Variants in NXNL2 observed in about 807,000 individuals in gnomAD.
NXNL2 encodes the protein nucleoredoxin-like protein 2.
In NXNL2, 7 loss-of-function variants were observed where a neutral mutation model predicts 11.1. The ratio of observed to expected loss-of-function variants is 0.63; its 90% CI spans 0.36 to 1.18. The LOEUF is 1.18. Among genes scored for constraint, NXNL2 ranks in the 50% most tolerant of loss-of-function variants. The probability of loss-of-function intolerance (pLI) is 0.02; values close to 1 mark genes in which losing one functional copy is unlikely to be tolerated. For synonymous variants in NXNL2, 109 were observed against 101.8 expected, an observed-to-expected ratio of 1.07 and a Z score of -0.42; for missense variants, 233 against 217.7, an observed-to-expected ratio of 1.07 and a Z score of -0.44.
intron 1 of NXNL2, among the ~76,000 whole-genome samples, chr9:88,540,727 G>A (rs992988726): frequency 1.0e-4 from 14 of 136,622 alleles, no homozygotes; most frequent in Non-Finnish European, 1.9e-4. Context: ...GAGCAGGTCC[G>A]GACTGCCGGG....
At chr9:88,566,926 C>G (rs1336599419) in intron 1 of NXNL2, among the ~76,000 whole-genome samples, 1 of 151,996 alleles carries the variant, frequency 6.6e-6, no homozygotes, top group East Asian at 1.9e-4. Flanking sequence ...ATCTATCTAT[C>G]TAATCTAGCT....
intron 1 of NXNL2, among the ~76,000 whole-genome samples, chr9:88,564,285 T>TTATCTATCTATCTATCTATTATCTATC (rs1830134702): frequency 7.1e-6 from 1 of 140,160 alleles, no homozygotes; most frequent in Non-Finnish European, 1.5e-5. Flanking sequence ...TATCTATCTA[T>TTATCTATCTATCTATCTATTATCTATC]TATCTATCTA....
chr9:88,567,866 C>G (rs777864573), intron 1 of NXNL2, among the ~76,000 whole-genome samples: 1 of 152,148 alleles, frequency 6.6e-6, no homozygotes, highest in Non-Finnish European at 1.5e-5. Flanking sequence ...TCTCCACTCC[C>G]TACAGCAGGA....
At chr9:88,542,972 G>A (rs1829790456) in intron 1 of NXNL2, among the ~76,000 whole-genome samples, 1 of 152,186 alleles carries the variant, frequency 6.6e-6, no homozygotes, top group African/African-American at 2.4e-5. Context: ...AGGCCCTGGT[G>A]ACCTGGCCAT....
chr9:88,564,256 A>ATCTG (rs1830131398), intron 1 of NXNL2, among the ~76,000 whole-genome samples: 1 of 135,270 alleles, frequency 7.4e-6, no homozygotes, highest in African/African-American at 3.0e-5. Flanking sequence ...CTATCTATCT[A>ATCTG]TCTATCTATC....
intron 1 of NXNL2, among the ~76,000 whole-genome samples, chr9:88,551,721 C>T (rs57046433): frequency 0.035 from 5,340 of 152,218 alleles, 125 homozygotes; most frequent in South Asian, 0.077. Flanking sequence ...GGCTTGTTAA[C>T]GCTGAGCTCC....
chr9:88,538,679 T>C (rs934558587), intron 1 of NXNL2, among the ~76,000 whole-genome samples: 3 of 152,194 alleles, frequency 2.0e-5, no homozygotes, highest in African/African-American at 7.2e-5. Context: ...TTCTGTACTA[T>C]TAAGTGTAGC....
intron 1 of NXNL2, among the ~76,000 whole-genome samples, chr9:88,568,427 C>T (rs952133873): frequency 6.6e-6 from 1 of 152,106 alleles, no homozygotes; most frequent in Non-Finnish European, 1.5e-5. Flanking sequence ...GACCCAGCTC[C>T]GCACTGGGGA....
rs1829825897 is a variant in NXNL2 at position 88,544,795 on chromosome 9, TAAGG to T, written c.*254_*257del. The T allele has an allele frequency of 2.5e-6, 3 of 1,212,430 alleles. No homozygotes were observed. In the South Asian group the frequency reaches 8.7e-5, roughly 35 times the overall value. The allele number at this position is 1,212,430 out of a possible 1,614,324, so 75.1% of individuals were successfully genotyped here. A position where few individuals can be genotyped will look rare whatever the true frequency, so the allele number is the denominator to read the frequency against. On this transcript the variant is annotated 3_prime_UTR_variant, in exon 2 of 2. Transcript: ENST00000375854. ...TTGCATACCTTTATCCACCTGTGCTTAAGGAAGGATCCTCATATGTTCATACTGA... is the reference window on the plus strand; with the variant it reads ...TTGCATACCTTTATCCACCTGTGCTTAAGGATCCTCATATGTTCATACTGA...
At chr9:88,565,155 C>T (rs1026175420) in intron 1 of NXNL2, among the ~76,000 whole-genome samples, 4 of 152,176 alleles carry the variant, frequency 2.6e-5, no homozygotes, top group Admixed American at 6.5e-5. Flanking sequence ...GCATGATATC[C>T]TCAAGGTTCA....
intron 1 of NXNL2, among the ~76,000 whole-genome samples, chr9:88,567,742 C>A (rs1443519133): frequency 6.6e-6 from 1 of 152,218 alleles, no homozygotes; most frequent in African/African-American, 2.4e-5. Flanking sequence ...GCACTAATCT[C>A]TCACTTATAC....
chr9:88,565,772 T>C (rs1830161361), intron 1 of NXNL2, among the ~76,000 whole-genome samples: 2 of 152,132 alleles, frequency 1.3e-5, no homozygotes, highest in Non-Finnish European at 2.9e-5. Context: ...TCTGAACTCA[T>C]GTGATCCACC....
At chr9:88,548,382 A>T (rs912412089), downstream of NXNL2, among the ~76,000 whole-genome samples, 43 of 102,724 alleles carry the variant, frequency 4.2e-4, 1 homozygote, top group African/African-American at 1.4e-3. Context: ...AAAAAAAAAA[A>T]GCTGGGTGCT....
chr9:88,558,126 C>T (rs1830042432), intron 1 of NXNL2, among the ~76,000 whole-genome samples: 1 of 152,096 alleles, frequency 6.6e-6, no homozygotes, highest in African/African-American at 2.4e-5. Flanking sequence ...GGCTGGTTCC[C>T]AGGGGAACCA....
intron 1 of NXNL2, among the ~76,000 whole-genome samples, chr9:88,570,757 T>A (rs1242197589): frequency 6.6e-6 from 1 of 152,216 alleles, no homozygotes; most frequent in Non-Finnish European, 1.5e-5. Context: ...TTGTTTTGTT[T>A]TTTGAGATGG....
downstream of NXNL2, among the ~76,000 whole-genome samples, chr9:88,549,299 G>A (rs1034975074): frequency 3.3e-5 from 5 of 152,106 alleles, no homozygotes; most frequent in African/African-American, 1.2e-4. Flanking sequence ...GTCACCCTTT[G>A]GAATGATCCC....
downstream of NXNL2, among the ~76,000 whole-genome samples, chr9:88,545,186 A>G (rs1829830809): frequency 6.6e-6 from 1 of 152,198 alleles, no homozygotes; most frequent in Non-Finnish European, 1.5e-5. Context: ...GAAATTTTCA[A>G]GGGTGTGTTT....
At chr9:88,550,465 A>G (rs1342956609) in intron 1 of NXNL2, among the ~76,000 whole-genome samples, 1 of 152,222 alleles carries the variant, frequency 6.6e-6, no homozygotes, top group East Asian at 1.9e-4. Context: ...AATGGCTTAC[A>G]TGTAAGGGTT....
At chr9:88,544,015 CAAA>C (rs1331059643) in intron 1 of NXNL2, among the ~76,000 whole-genome samples, 2 of 152,078 alleles carry the variant, frequency 1.3e-5, no homozygotes, top group Admixed American at 1.3e-4. Context: ...ACTAAAAATA[CAAA>C]AAATTAGCTG....
Sources: gnomAD v4.1 joint callset for allele counts (sites outside exome capture counted in the v4.1 genomes callset) on GRCh38, gnomAD v4.1.1 for gene constraint, MANE v1.5 for transcripts, NCBI Gene and HGNC (gene_info 2026-07-23, HGNC 2026-07-21) for gene names.